Variants in SDHA observed in about 807,000 individuals in gnomAD.
The protein encoded by SDHA is succinate dehydrogenase [ubiquinone] flavoprotein subunit, mitochondrial.
SDHA carries 48 observed loss-of-function variants against 78.4 expected under a neutral mutation model. The ratio of observed to expected loss-of-function variants is 0.61; its 90% CI spans 0.49 to 0.78. SDHA has a LOEUF of 0.78. Among genes scored for constraint, SDHA ranks in the 30% least tolerant of loss-of-function variants. The probability of loss-of-function intolerance (pLI) is 0.00; values close to 1 mark genes in which losing one functional copy is unlikely to be tolerated. For missense variants in SDHA, 680 were observed against 892.7 expected (o/e 0.76, Z 3.04); for synonymous variants, 326 against 353.9 (o/e 0.92, Z 0.88).
chr5:236,217 G>A (rs944561038), intron 9 of SDHA: 205 of 604,402 alleles, frequency 3.4e-4, no homozygotes, highest in Non-Finnish European at 5.3e-4. Flanking sequence ...TAGAGATGGG[G>A]TTTCACCGTG....
chr5:221,167 G>A (rs1157003089), intron 1 of SDHA, among the ~76,000 whole-genome samples: 5 of 152,292 alleles, frequency 3.3e-5, no homozygotes, highest in African/African-American at 1.2e-4. Flanking sequence ...AAATTCTAGT[G>A]AGAATAATTA....
At chr5:249,828 A>G (rs1736703323) in intron 11 of SDHA, 1 of 152,240 alleles carries the variant, frequency 6.6e-6, no homozygotes. Context: ...TACAATTGTC[A>G]TTATTTACAG....
chr5:228,181 T>G lies in SDHA; in HGVS notation c.622-4T>G. ...TCTTGCCCTTTTTTTTTCCTTTCTTTTAGTCTCTGCGATATGATACCAGCT... is the reference window on the plus strand; with the variant it reads ...TCTTGCCCTTTTTTTTTCCTTTCTTGTAGTCTCTGCGATATGATACCAGCT... On this transcript the variant is annotated splice_region_variant and splice_polypyrimidine_tract_variant and intron_variant, in intron 5 of 14. Coordinates refer to ENST00000264932, the MANE Select transcript of SDHA (RefSeq NM_004168.4). 1 of 1,613,804 alleles carries G rather than the reference T, an allele frequency of 6.2e-7. No individual in the cohort carries two copies. The highest frequency in any genetic ancestry group is 1.1e-5 in the South Asian group (1 of 91,074).
intron 9 of SDHA, chr5:236,225 G>A (rs371228962): frequency 1.3e-4 from 83 of 623,482 alleles, no homozygotes; most frequent in African/African-American, 8.2e-4. Flanking sequence ...GGGTTTCACC[G>A]TGTTAGCCAG....
At chr5:232,681 A>G (rs10475136) in intron 7 of SDHA, among the ~76,000 whole-genome samples, 36,338 of 151,744 alleles carry the variant, frequency 0.24, 6,857 homozygotes, top group African/African-American at 0.52. Flanking sequence ...CAAAAGACAG[A>G]CAAGAATCAC....
intron 10 of SDHA, among the ~76,000 whole-genome samples, chr5:239,744 C>T (rs1255735716): frequency 2.0e-5 from 3 of 151,514 alleles, no homozygotes; most frequent in Non-Finnish European, 4.4e-5. Context: ...TTTATATACA[C>T]TTAATATATA....
chr5:246,265 A>G (rs1366380709), intron 11 of SDHA, among the ~76,000 whole-genome samples: 59 of 151,642 alleles, frequency 3.9e-4, no homozygotes, highest in African/African-American at 1.3e-3. Flanking sequence ...AAGCAAGGCC[A>G]TAAAGCCCAA....
rs576506242 is a variant in SDHA at position 230,378 on chromosome 5, G to A, written c.771-498G>A. 1.2e-4 allele frequency among the ~76,000 whole-genome samples: 18 copies of A among 152,270 alleles called. No homozygotes were observed. In the South Asian group the frequency reaches 3.3e-3, roughly 28 times the overall value. ...GCAGTGGCTCACGCCTGTAATCCCG[G>A]CACTTTGGGAGGCCAAAGTGGGAGG... On this transcript the variant is annotated intron_variant, in intron 6 of 14. Transcript: ENST00000264932.
Position 251,369 on chromosome 5 carries a change from C to T in SDHA, c.1695C>T (p.Thr565=). ...GMVWNTDLVE[T]LELQNLMLCA... ...TCTGGAACACGGACCTGGTGGAGAC[C>T]CTGGAGCTGCAGAACCTGATGCTGT... Residue 565 remains threonine, a synonymous_variant, in exon 13 of 15, where the codon ACC becomes ACT. Transcript: ENST00000264932. 6.2e-7 allele frequency: 1 copy of T among 1,613,694 alleles called. No individual in the cohort carries two copies. The highest frequency in any genetic ancestry group is 1.1e-5 in the South Asian group (1 of 91,062).
At chr5:232,376 A>G (rs576216177) in intron 7 of SDHA, among the ~76,000 whole-genome samples, 1 of 151,910 alleles carries the variant, frequency 6.6e-6, no homozygotes, top group Non-Finnish European at 1.5e-5. Context: ...ATGCCCAGCT[A>G]ATTTTCGAGG....
intron 3 of SDHA, chr5:224,977 T>A: frequency 3.0e-6 from 1 of 328,554 alleles, no homozygotes; most frequent in Non-Finnish European, 5.8e-6. Flanking sequence ...GGAGTGCGAC[T>A]CTGAGTGTGG....
chr5:258,667 G>A (rs1408813881), downstream of SDHA, among the ~76,000 whole-genome samples: 1 of 105,438 alleles, frequency 9.5e-6, no homozygotes, highest in African/African-American at 5.6e-5. Context: ...TGTGAGCTCC[G>A]CCTCCTGTCA....
intron 13 of SDHA, chr5:251,715 T>C (rs907514860): frequency 2.1e-5 from 31 of 1,454,082 alleles, no homozygotes; most frequent in Non-Finnish European, 2.5e-5. Flanking sequence ...CAATGTGCTT[T>C]GCTGTTAGAA....
chr5:262,289 A>C, the SDHA span, among the ~76,000 whole-genome samples: 27 of 83,222 alleles, frequency 3.2e-4, 6 homozygotes, highest in African/African-American at 8.4e-4. Flanking sequence ...GCCTCCCGAC[A>C]GAGCATTACC....
chr5:240,910 A>G (rs1002772581), intron 11 of SDHA, among the ~76,000 whole-genome samples: 7 of 151,844 alleles, frequency 4.6e-5, no homozygotes, highest in African/African-American at 1.7e-4. Flanking sequence ...CATTTTCTTC[A>G]TCTGGTCATC....
intron 14 of SDHA, among the ~76,000 whole-genome samples, chr5:255,526 G>A (rs1457754659): frequency 1.3e-5 from 2 of 151,460 alleles, no homozygotes; most frequent in South Asian, 2.1e-4. Context: ...GCTTGATCTC[G>A]TCTCACTGCA....
chr5:255,992 A>G (rs886740407), intron 14 of SDHA, among the ~76,000 whole-genome samples: 10 of 152,228 alleles, frequency 6.6e-5, no homozygotes, highest in Non-Finnish European at 1.5e-4. Context: ...CCCTAATCGG[A>G]AGATCTGACT....
chr5:224,060 C>T (rs1490449590), intron 2 of SDHA, among the ~76,000 whole-genome samples: 1 of 152,164 alleles, frequency 6.6e-6, no homozygotes, highest in Non-Finnish European at 1.5e-5. Flanking sequence ...ACTGAATACT[C>T]CTTGGCACCT....
intron 7 of SDHA, among the ~76,000 whole-genome samples, chr5:231,420 C>T (rs190661827): frequency 7.2e-5 from 11 of 151,976 alleles, no homozygotes; most frequent in African/African-American, 2.7e-4. Flanking sequence ...ATCAGCTGGG[C>T]GTGATGGCGT....
Sources: allele counts gnomAD v4.1 joint callset (sites outside exome capture counted in the v4.1 genomes callset), GRCh38; gene constraint gnomAD v4.1.1; transcripts MANE v1.5; gene names NCBI Gene and HGNC (gene_info 2026-07-23, HGNC 2026-07-21).